The following VWC2 variants were observed in gnomAD, a reference collection of about 807,000 sequenced individuals.
VWC2 encodes brorin.
Under a neutral mutation model 29.8 loss-of-function variants are expected in VWC2, and 14 were observed. That is an observed-to-expected ratio of 0.47 (90% CI 0.31 to 0.74). The LOEUF (loss-of-function observed/expected upper bound fraction) is 0.74, where lower values mean the gene tolerates loss of function less well. Ranked by LOEUF, VWC2 falls within the 30% of genes least tolerant of loss-of-function variation. The pLI, the probability that VWC2 is intolerant of heterozygous loss-of-function variation, is 0.05. For synonymous variants in VWC2, 213 were observed against 199.0 expected (o/e 1.07, Z -0.59); for missense variants, 457 against 459.8 (o/e 0.99, Z 0.05).
chr7:49,835,942 CA>C (rs571382757), intron 3 of VWC2, among the ~76,000 whole-genome samples: 73 of 150,518 alleles, frequency 4.8e-4, no homozygotes, highest in Non-Finnish European at 9.6e-4. Context: ...CTTATAAAAA[CA>C]AACAATGATA....
At chr7:49,845,629 C>G (rs1028897458) in intron 3 of VWC2, among the ~76,000 whole-genome samples, 1 of 152,188 alleles carries the variant, frequency 6.6e-6, no homozygotes, top group Non-Finnish European at 1.5e-5. Flanking sequence ...TCTTCAAATA[C>G]AGAAATTCCT....
chr7:49,799,948 G>T (rs1442294710), intron 2 of VWC2, among the ~76,000 whole-genome samples: 1 of 152,216 alleles, frequency 6.6e-6, no homozygotes, highest in South Asian at 2.1e-4. Context: ...GTAAAAATAA[G>T]ACATTGTAAT....
chr7:49,778,502 G>A (rs970393911), intron 2 of VWC2, among the ~76,000 whole-genome samples: 5 of 152,212 alleles, frequency 3.3e-5, no homozygotes, highest in African/African-American at 4.8e-5. Context: ...TATAGTGTTA[G>A]AGCATGTTTG....
intron 3 of VWC2, among the ~76,000 whole-genome samples, chr7:49,820,368 T>C (rs1019967713): frequency 6.6e-6 from 1 of 152,144 alleles, no homozygotes; most frequent in Non-Finnish European, 1.5e-5. Flanking sequence ...CTCTCCCCTC[T>C]GGCTCCCATG....
intron 3 of VWC2, among the ~76,000 whole-genome samples, chr7:49,876,957 G>T (rs1391465134): frequency 6.6e-6 from 1 of 151,958 alleles, no homozygotes; most frequent in African/African-American, 2.4e-5. Flanking sequence ...CTTTTGACAG[G>T]TCTTCAAGAT....
intron 3 of VWC2, among the ~76,000 whole-genome samples, chr7:49,843,085 A>G (rs1789837451): frequency 6.6e-6 from 1 of 152,140 alleles, no homozygotes; most frequent in Admixed American, 6.5e-5. Context: ...CTGCTCCAGC[A>G]GTCCCCAGTG....
At chr7:49,867,235 A>G (rs1437322644) in intron 3 of VWC2, among the ~76,000 whole-genome samples, 2 of 152,358 alleles carry the variant, frequency 1.3e-5, no homozygotes, top group African/African-American at 2.4e-5. Context: ...TAACAATGCC[A>G]TAGGAATATG....
intron 3 of VWC2, among the ~76,000 whole-genome samples, chr7:49,864,083 T>C (rs932419657): frequency 6.6e-6 from 1 of 152,180 alleles, no homozygotes. Context: ...TTTGTTGTTG[T>C]TGTTGTTGTT....
intron 2 of VWC2, among the ~76,000 whole-genome samples, chr7:49,801,842 C>T (rs1466521670): frequency 2.6e-5 from 4 of 152,206 alleles, no homozygotes; most frequent in East Asian, 1.9e-4. Flanking sequence ...TGTATTTTAG[C>T]GCTGCTGTAA....
chr7:49,922,046 C>A (rs926206862), downstream of VWC2: 1 of 151,938 alleles, frequency 6.6e-6, no homozygotes, highest in Non-Finnish European at 1.5e-5. Context: ...AATGTATATA[C>A]GTCATTAAAA....
intron 3 of VWC2, among the ~76,000 whole-genome samples, chr7:49,866,054 T>G (rs186000420): frequency 1.3e-5 from 2 of 152,330 alleles, no homozygotes; most frequent in African/African-American, 4.8e-5. Flanking sequence ...TTGAGAATCT[T>G]TTGCCAGTGG....
Position 49,774,121 on chromosome 7 carries a change from G to C in VWC2, c.-104+8G>C, listed in dbSNP as rs1351282282. On this transcript the variant is annotated splice_region_variant and intron_variant, in intron 1 of 3. Coordinates refer to ENST00000340652, the MANE Select transcript of VWC2 (RefSeq NM_198570.5). ...CCCGCGCCCTGCGCTCATGTATGTA[G>C]GTTTGGCGCCGGTCTTCAGGGCTGA... The C allele has an allele frequency of 6.6e-6, 1 of 152,242 alleles. No individual in the cohort carries two copies. Among genetic ancestry groups the C allele is most frequent in the African/African-American group, 2.4e-5 (1 of 41,442 alleles). The allele number at this position is 152,242 out of a possible 1,614,324, so 9.4% of individuals were successfully genotyped here.
At chr7:49,877,507 T>TATATATATATATATATAG (rs1349966764) in intron 3 of VWC2, among the ~76,000 whole-genome samples, 19 of 90,304 alleles carry the variant, frequency 2.1e-4, no homozygotes, top group Admixed American at 3.5e-4. Flanking sequence ...TATATATATA[T>TATATATATATATATATAG]ATATATATAT....
intron 2 of VWC2, among the ~76,000 whole-genome samples, chr7:49,778,391 T>C (rs750746665): frequency 1.3e-5 from 2 of 152,248 alleles, no homozygotes; most frequent in Non-Finnish European, 2.9e-5. Context: ...TCATCATTTA[T>C]TACCAGATGC....
At chr7:49,787,038 A>G (rs1788315786) in intron 2 of VWC2, among the ~76,000 whole-genome samples, 1 of 152,180 alleles carries the variant, frequency 6.6e-6, no homozygotes, top group South Asian at 2.1e-4. Context: ...ATCATCAAGT[A>G]GGTGAACACT....
At chr7:49,859,127 G>T (rs1176962805) in intron 3 of VWC2, among the ~76,000 whole-genome samples, 2 of 152,186 alleles carry the variant, frequency 1.3e-5, no homozygotes, top group Non-Finnish European at 2.9e-5. Context: ...GAATTTCACT[G>T]ATGGGGCATG....
chr7:49,789,290 AGTGTGAGCGGGT>A (rs1246674246), intron 2 of VWC2, among the ~76,000 whole-genome samples: 11 of 108,046 alleles, frequency 1.0e-4, no homozygotes, highest in African/African-American at 4.0e-4. Context: ...TGAGAGTGTG[AGTGTGAGCGGGT>A]GTGTGAGTGT....
chr7:49,908,112 T>C (rs1035539576), intron 3 of VWC2, among the ~76,000 whole-genome samples: 2 of 152,250 alleles, frequency 1.3e-5, no homozygotes, highest in South Asian at 2.1e-4. Context: ...GGGACCACTG[T>C]CTGTCATGTG....
intron 3 of VWC2, among the ~76,000 whole-genome samples, chr7:49,827,863 A>G (rs1204605742): frequency 2.0e-5 from 3 of 152,184 alleles, no homozygotes; most frequent in Admixed American, 2.0e-4. Flanking sequence ...TTTTTTCAGA[A>G]TGCATTTTGC....
Sources: gnomAD v4.1 joint callset for allele counts (sites outside exome capture counted in the v4.1 genomes callset) on GRCh38, gnomAD v4.1.1 for gene constraint, MANE v1.5 for transcripts, NCBI Gene and HGNC (gene_info 2026-07-23, HGNC 2026-07-21) for gene names.